SCHIP1: variants seen among roughly 807,000 people sequenced by gnomAD.
SCHIP1 encodes the protein schwannomin interacting protein 1.
Under a neutral mutation model 29.7 loss-of-function variants are expected in SCHIP1, and 8 were observed. That is an observed-to-expected ratio of 0.27 (90% CI 0.16 to 0.49). The LOEUF (loss-of-function observed/expected upper bound fraction) is 0.49, where lower values mean the gene tolerates loss of function less well. SCHIP1 is among the 20% of genes least tolerant of loss of function. The pLI, the probability that SCHIP1 is intolerant of heterozygous loss-of-function variation, is 0.99. For missense variants in SCHIP1, 193 were observed against 294.6 expected (o/e 0.66, Z 2.52); for synonymous variants, 76 against 94.9 (o/e 0.80, Z 1.16).
At chr3:159,484,946 G>C in the SCHIP1 span, among the ~76,000 whole-genome samples, 1 of 152,106 alleles carries the variant, frequency 6.6e-6, no homozygotes, top group African/African-American at 2.4e-5. Context: ...TTTTTAAAGA[G>C]TAAATGGACG....
the SCHIP1 span, among the ~76,000 whole-genome samples, chr3:159,504,667 C>G: frequency 6.6e-6 from 1 of 152,136 alleles, no homozygotes; most frequent in Non-Finnish European, 1.5e-5. Context: ...TGTACCCCTC[C>G]TCGCAAACTG....
chr3:159,402,939 A>C, the SCHIP1 span, among the ~76,000 whole-genome samples: 3 of 152,000 alleles, frequency 2.0e-5, no homozygotes, highest in Non-Finnish European at 4.4e-5. Context: ...AATAATAATA[A>C]TAATAAAAGA....
chr3:159,848,481 T>C (rs1219055247), intron 1 of SCHIP1, among the ~76,000 whole-genome samples: 2 of 152,198 alleles, frequency 1.3e-5, no homozygotes, highest in Non-Finnish European at 2.9e-5. Context: ...ATTCCTGTAT[T>C]CATTTGGACC....
At chr3:159,541,262 C>T in the SCHIP1 span, among the ~76,000 whole-genome samples, 4 of 152,110 alleles carry the variant, frequency 2.6e-5, no homozygotes, top group East Asian at 3.9e-4. Flanking sequence ...ATTCAGAAAA[C>T]GGGCAATATG....
intron 1 of SCHIP1, among the ~76,000 whole-genome samples, chr3:159,843,172 C>T (rs561171299): frequency 1.3e-5 from 2 of 151,282 alleles, no homozygotes; most frequent in East Asian, 2.0e-4. Flanking sequence ...GCCACCATGC[C>T]CAGCTAATTT....
chr3:159,692,013 CTTTTTTT>C, the SCHIP1 span, among the ~76,000 whole-genome samples: 1 of 90,942 alleles, frequency 1.1e-5, no homozygotes, highest in Non-Finnish European at 2.1e-5. Context: ...CCCGACCTTT[CTTTTTTT>C]TTTTTTTTTT....
At chr3:159,576,951 A>T in the SCHIP1 span, among the ~76,000 whole-genome samples, 1 of 152,182 alleles carries the variant, frequency 6.6e-6, no homozygotes, top group Non-Finnish European at 1.5e-5. Context: ...CTTGCATTTT[A>T]TCAACTTATC....
chr3:159,392,835 G>A, the SCHIP1 span, among the ~76,000 whole-genome samples: 156 of 152,242 alleles, frequency 1.0e-3, 2 homozygotes, highest in South Asian at 0.024. Flanking sequence ...CCCAGTAATG[G>A]GATGGCTGGG....
intron 2 of SCHIP1, 110 bp downstream of exon 3, chr3:159,866,391 C>A (rs1407474943): frequency 9.3e-6 from 9 of 965,012 alleles, no homozygotes; most frequent in Non-Finnish European, 1.4e-5. Context: ...TTTTCCCCCT[C>A]GCATAATACT....
the SCHIP1 span, among the ~76,000 whole-genome samples, chr3:159,300,729 G>T: frequency 1.3e-5 from 2 of 152,124 alleles, no homozygotes; most frequent in Admixed American, 1.3e-4. Context: ...ATCTGATAAT[G>T]CCCTATGGTT....
the SCHIP1 span, among the ~76,000 whole-genome samples, chr3:159,628,290 G>A: frequency 0.039 from 5,962 of 152,246 alleles, 367 homozygotes; most frequent in African/African-American, 0.13. Flanking sequence ...GGTTAGGGTC[G>A]AATTGTGGAG....
At chr3:159,737,127 A>T in the SCHIP1 span, among the ~76,000 whole-genome samples, 480 of 152,268 alleles carry the variant, frequency 3.2e-3, 2 homozygotes, top group African/African-American at 0.011. Flanking sequence ...TAAAGTGGGG[A>T]GTGATGATAT....
the SCHIP1 span, chr3:159,398,743 G>C: frequency 6.6e-6 from 1 of 152,238 alleles, no homozygotes; most frequent in Non-Finnish European, 1.5e-5. Flanking sequence ...ACTCAAAAAT[G>C]ATTCCCAGGT....
At chr3:159,837,499 G>A (rs1051783109), upstream of SCHIP1, among the ~76,000 whole-genome samples, 34 of 152,152 alleles carry the variant, frequency 2.2e-4, no homozygotes, top group African/African-American at 8.0e-4. Context: ...AAGGTGGTTG[G>A]ATCACCCAAG....
At chr3:159,681,263 T>C in the SCHIP1 span, among the ~76,000 whole-genome samples, 1 of 151,714 alleles carries the variant, frequency 6.6e-6, no homozygotes, top group Admixed American at 6.6e-5. Context: ...TGCAGAAGAT[T>C]TGGATTTCCA....
chr3:159,828,868 T>C, the SCHIP1 span, among the ~76,000 whole-genome samples: 1,049 of 152,310 alleles, frequency 6.9e-3, 7 homozygotes, highest in African/African-American at 0.024. Context: ...CATACACGCA[T>C]GCACACAAAC....
chr3:159,756,841 C>A, the SCHIP1 span, among the ~76,000 whole-genome samples: 1 of 152,200 alleles, frequency 6.6e-6, no homozygotes, highest in South Asian at 2.1e-4. Flanking sequence ...AGGGCAGGGG[C>A]AAAATGCCAC....
chr3:159,859,634 G>A (rs1203969729), intron 1 of SCHIP1, among the ~76,000 whole-genome samples: 2 of 152,246 alleles, frequency 1.3e-5, no homozygotes, highest in Non-Finnish European at 2.9e-5. Flanking sequence ...AAGCATCCTG[G>A]TAAGGCCTTG....
chr3:159,812,462 A>G, the SCHIP1 span, among the ~76,000 whole-genome samples: 1 of 152,214 alleles, frequency 6.6e-6, no homozygotes, highest in Non-Finnish European at 1.5e-5. Context: ...TTAAGGCCAA[A>G]TGGTGCATTG....
Sources: gnomAD v4.1 joint callset for allele counts (sites outside exome capture counted in the v4.1 genomes callset) on GRCh38, gnomAD v4.1.1 for gene constraint, MANE v1.5 for transcripts, NCBI Gene and HGNC (gene_info 2026-07-23, HGNC 2026-07-21) for gene names.